Variants in RGS22 observed in about 807,000 individuals in gnomAD.
RGS22 encodes regulator of G protein signaling 22, also known as regulator of G-protein signaling 22.
RGS22 carries 148 observed loss-of-function variants against 172.9 expected under a neutral mutation model. The observed-to-expected ratio is 0.86, with a 90% CI of 0.75 to 0.98. RGS22 has a LOEUF of 0.98. RGS22 is among the 50% of genes least tolerant of loss of function. The probability of loss-of-function intolerance (pLI) is 0.00; values close to 1 mark genes in which losing one functional copy is unlikely to be tolerated. For synonymous variants in RGS22, 458 were observed against 480.2 expected, an observed-to-expected ratio of 0.95 and a Z score of 0.60; for missense variants, 1,347 against 1,440.8, an observed-to-expected ratio of 0.93 and a Z score of 1.05.
chr8:100,047,894 C>A (rs1248465442), intron 10 of RGS22, among the ~76,000 whole-genome samples: 1 of 151,850 alleles, frequency 6.6e-6, no homozygotes, highest in African/African-American at 2.4e-5. Context: ...AAAAACGATT[C>A]TTTATTCTAT....
rs1291247052 is a variant in RGS22 at position 99,961,056 on chromosome 8, G to C, written c.*186C>G. 1 of 371,812 alleles carries C rather than the reference G, an allele frequency of 2.7e-6. No homozygotes were observed. Among genetic ancestry groups the C allele is most frequent in the Non-Finnish European group, 5.2e-6 (1 of 191,424 alleles). 23.0% of individuals were successfully genotyped at this position (371,812 alleles called of 1,614,324 possible). On this transcript the variant is annotated 3_prime_UTR_variant, in exon 28 of 28. Transcript: ENST00000360863. ...TTTTAAAACTGCGAGAGTAAGACAA[G>C]CCAAATTTTCTTTATTTATTTCCCA...
intron 20 of RGS22, among the ~76,000 whole-genome samples, chr8:99,989,312 T>C (rs535880760): frequency 2.0e-5 from 3 of 152,220 alleles, no homozygotes; most frequent in Admixed American, 6.5e-5. Context: ...TTTATCATGC[T>C]TGTTACAAAG....
chr8:100,087,226 A>C (rs772537404), intron 3 of RGS22, among the ~76,000 whole-genome samples: 3 of 152,196 alleles, frequency 2.0e-5, no homozygotes, highest in Non-Finnish European at 2.9e-5. Flanking sequence ...GCTGATTTAG[A>C]GAATGCTCAA....
intron 14 of RGS22, among the ~76,000 whole-genome samples, chr8:100,032,627 A>G (rs1027687177): frequency 1.3e-5 from 2 of 152,082 alleles, no homozygotes; most frequent in Non-Finnish European, 2.9e-5. Flanking sequence ...AGGTTAACAA[A>G]GATATTCAGG....
chr8:100,037,396 T>C (rs1187968536), intron 14 of RGS22, among the ~76,000 whole-genome samples: 1 of 152,224 alleles, frequency 6.6e-6, no homozygotes, highest in East Asian at 1.9e-4. Context: ...GCTTTTTTAT[T>C]TATCTTTCTT....
intron 9 of RGS22, among the ~76,000 whole-genome samples, chr8:100,059,570 T>C (rs1279381198): frequency 6.6e-6 from 1 of 151,044 alleles, no homozygotes; most frequent in South Asian, 2.1e-4. Flanking sequence ...GATAAAGGGG[T>C]CAATTCAGTA....
At chr8:100,048,039 TC>T (rs1303808820) in intron 10 of RGS22, among the ~76,000 whole-genome samples, 1 of 151,960 alleles carries the variant, frequency 6.6e-6, no homozygotes, top group African/African-American at 2.4e-5. Context: ...TAAGAAGGGC[TC>T]TATATCTTAA....
chr8:100,039,182 T>C lies in RGS22; in HGVS notation c.2065-150A>G, dbSNP rs1427912721. 5 of 461,180 alleles carry C rather than the reference T, an allele frequency of 1.1e-5. No homozygotes were observed. The East Asian group carries it at 1.6e-4, about 15-fold the overall frequency. The allele number at this position is 461,180 out of a possible 1,614,324, so 28.6% of individuals were successfully genotyped here. ...ATGGTTTTAATCTTCTATCACAAAC[T>C]GGCAATACACAAAATATTTATTGAT... is the stretch of plus-strand genomic sequence containing the variant. On this transcript the variant is annotated intron_variant, in intron 13 of 27. Coordinates refer to ENST00000360863, the MANE Select transcript of RGS22 (RefSeq NM_015668.5).
chr8:99,986,237 A>T (rs1257743974), intron 21 of RGS22, among the ~76,000 whole-genome samples: 1 of 152,134 alleles, frequency 6.6e-6, no homozygotes, highest in Non-Finnish European at 1.5e-5. Context: ...CTCAAAAAAA[A>T]ATTGTTTTTT....
Position 100,051,479 on chromosome 8 carries a change from ATATT to A in RGS22, c.1689+1319_1689+1322del, listed in dbSNP as rs1229244571. Among the ~76,000 whole-genome samples, 4 of 98,324 alleles carry A rather than the reference ATATT, an allele frequency of 4.1e-5. 1 individual carries two copies. The highest frequency in any genetic ancestry group is 7.5e-5 in the Non-Finnish European group (4 of 53,356). The allele number at this position is 98,324 out of a possible 152,430, so 64.5% of individuals were successfully genotyped here. ...TATTATATATAAATATATATTATAT[ATATT>A]TATATATAATATATAATAAATATAT... On this transcript the variant is annotated intron_variant, in intron 10 of 27. Transcript: ENST00000360863.
intron 9 of RGS22, among the ~76,000 whole-genome samples, chr8:100,054,653 T>C (rs1026256090): frequency 3.3e-5 from 5 of 152,284 alleles, no homozygotes; most frequent in Middle Eastern, 3.4e-3. Context: ...TCTCCTGATA[T>C]GGACACAGAT....
chr8:99,986,107 G>A (rs1813067767), intron 21 of RGS22, among the ~76,000 whole-genome samples: 1 of 151,964 alleles, frequency 6.6e-6, no homozygotes, highest in South Asian at 2.1e-4. Context: ...GTGCATGCCT[G>A]TACTCCCAGC....
chr8:99,967,284 C>T (rs962072072), intron 23 of RGS22, among the ~76,000 whole-genome samples: 1 of 151,880 alleles, frequency 6.6e-6, no homozygotes, highest in Non-Finnish European at 1.5e-5. Flanking sequence ...GTTTCAAGCA[C>T]AAAACTGGGC....
chr8:100,012,374 A>T (rs138445364), intron 14 of RGS22, among the ~76,000 whole-genome samples: 1 of 152,306 alleles, frequency 6.6e-6, no homozygotes, highest in Admixed American at 6.5e-5. Flanking sequence ...ATAAGAGATG[A>T]GTGGCTTAAA....
At chr8:100,105,216 G>T (rs1813830571) in intron 2 of RGS22, among the ~76,000 whole-genome samples, 158 bp downstream of exon 2, 1 of 152,056 alleles carries the variant, frequency 6.6e-6, no homozygotes, top group Admixed American at 6.5e-5. Context: ...GCCAGATAAA[G>T]AATTTAAAAA....
chr8:100,012,626 CAG>C (rs151165038), intron 14 of RGS22, among the ~76,000 whole-genome samples: 16 of 150,262 alleles, frequency 1.1e-4, no homozygotes, highest in Admixed American at 6.0e-4. Flanking sequence ...AAGAAAGAAA[CAG>C]AGAGAGAGAG....
At chr8:99,978,107 T>C (rs746276846) in intron 22 of RGS22, 32 bp from the exon 23 acceptor site, 1 of 1,286,952 alleles carries the variant, frequency 7.8e-7, no homozygotes, top group Admixed American at 2.7e-5. Flanking sequence ...ATTACAATTT[T>C]ATACAAAGGT....
intron 16 of RGS22, 147 bp from the exon 17 acceptor site, chr8:100,004,245 G>A: frequency 1.1e-6 from 1 of 915,286 alleles, no homozygotes; most frequent in Non-Finnish European, 1.5e-6. Flanking sequence ...TTTAGAATCT[G>A]GTAAAGAATC....
intron 10 of RGS22, among the ~76,000 whole-genome samples, chr8:100,048,298 T>A (rs565087362): frequency 1.3e-5 from 2 of 152,004 alleles, no homozygotes; most frequent in Non-Finnish European, 2.9e-5. Flanking sequence ...AAAGAGATAA[T>A]CAGAAAACAA....
Sources: allele counts gnomAD v4.1 joint callset (sites outside exome capture counted in the v4.1 genomes callset), GRCh38; gene constraint gnomAD v4.1.1; transcripts MANE v1.5; gene names NCBI Gene and HGNC (gene_info 2026-07-23, HGNC 2026-07-21).